Variants in KSR1 observed in about 807,000 individuals in gnomAD.
The protein encoded by KSR1 is kinase suppressor of ras.
A neutral mutation model predicts 92.9 loss-of-function variants in KSR1; 35 were observed. The observed-to-expected ratio is 0.38, with a 90% CI of 0.29 to 0.50. KSR1 has a LOEUF of 0.50. Among genes scored for constraint, KSR1 ranks in the 20% least tolerant of loss-of-function variants. KSR1 has a pLI of 0.94. For missense variants in KSR1, 972 were observed against 1,158.5 expected (o/e 0.84, Z 2.34); for synonymous variants, 467 against 472.6 (o/e 0.99, Z 0.15).
At chr17:27,529,268 A>C (rs1386771027) in intron 1 of KSR1, among the ~76,000 whole-genome samples, 1 of 152,082 alleles carries the variant, frequency 6.6e-6, no homozygotes, top group Admixed American at 6.5e-5. Context: ...GATTAAGTAC[A>C]CTGTTAAAAG....
intron 2 of KSR1, among the ~76,000 whole-genome samples, chr17:27,565,406 A>G (rs1256950736): frequency 1.3e-5 from 2 of 152,208 alleles, no homozygotes; most frequent in African/African-American, 2.4e-5. Context: ...TAAAATAGAG[A>G]TGGAAAAACT....
intron 2 of KSR1, among the ~76,000 whole-genome samples, chr17:27,568,782 C>T (rs2072187749): frequency 6.6e-6 from 1 of 152,338 alleles, no homozygotes; most frequent in South Asian, 2.1e-4. Context: ...CTCTGCCTTC[C>T]GTAGAGGAAT....
chr17:27,608,109 C>T, intron 15 of KSR1, 99 bp downstream of exon 15: 2 of 807,170 alleles, frequency 2.5e-6, no homozygotes, highest in Non-Finnish European at 4.1e-6. Flanking sequence ...GTGGTTTGGG[C>T]AGCTTTGCCT....
intron 1 of KSR1, among the ~76,000 whole-genome samples, chr17:27,515,902 CT>C (rs937805880): frequency 3.3e-5 from 5 of 151,086 alleles, no homozygotes; most frequent in Non-Finnish European, 7.4e-5. Flanking sequence ...AAGAATTTGC[CT>C]TTTTTTTTGT....
rs542462172 is a variant in KSR1 at position 27,584,111 on chromosome 17, G to A, written c.980+1006G>A. On this transcript the variant is annotated intron_variant, in intron 4 of 20. Transcript: ENST00000644974. The stretch of plus-strand genomic sequence containing the variant: ...ACCCTTGGCAGCACAGAAAGAAAGG[G>A]AGTGTTTTCCTTGGGTGCCTCTTAC... The A allele has an allele frequency of 2.2e-3, 975 of 444,926 alleles. 4 individuals carry two copies. The highest frequency in any genetic ancestry group is 2.6e-3 in the Non-Finnish European group (884 of 336,416). The allele number at this position is 444,926 out of a possible 1,614,324, so 27.6% of individuals were successfully genotyped here. A position where few individuals can be genotyped will look rare whatever the true frequency, so the allele number is the denominator to read the frequency against.
At chr17:27,596,497 C>T (rs1024737115) in intron 9 of KSR1, among the ~76,000 whole-genome samples, 16 of 152,218 alleles carry the variant, frequency 1.1e-4, no homozygotes, top group Non-Finnish European at 1.5e-5. Context: ...ATGACATTAA[C>T]ATTTAAGTTG....
At chr17:27,555,333 A>T (rs2071550529) in intron 2 of KSR1, among the ~76,000 whole-genome samples, 1 of 152,142 alleles carries the variant, frequency 6.6e-6, no homozygotes. Context: ...CCGTTTATTT[A>T]TTCATTCAGT....
intron 18 of KSR1, among the ~76,000 whole-genome samples, chr17:27,612,260 T>C (rs1470059806): frequency 6.6e-6 from 1 of 152,244 alleles, no homozygotes; most frequent in East Asian, 1.9e-4. Context: ...GTGAATGGCT[T>C]GCTTATTCAG....
chr17:27,515,610 AG>A (rs1361924397), intron 1 of KSR1, among the ~76,000 whole-genome samples: 57 of 123,510 alleles, frequency 4.6e-4, no homozygotes, highest in African/African-American at 1.7e-3. Flanking sequence ...TCTGCTTCGT[AG>A]TTTTTTTTTT....
At position 27,577,519 on chromosome 17, in the gene KSR1, G is replaced by T; in HGVS notation, c.400G>T (p.Ala134Ser). The T allele has an allele frequency of 6.3e-7, 1 of 1,597,410 alleles. No individual in the cohort carries two copies. The change falls in exon 3 of 21, where the codon GCC becomes TCC. Residue 134 changes from alanine to serine, a missense_variant. Transcript: ENST00000644974. This position sits in a 1 kb window ranked among gnomAD's most constrained non-coding sequence, Gnocchi z 4.5. ...QEIPRDLTLD[A>S]LLEMNEAKVK... ...GATCCCCCGAGACCTCACGCTGGAT[G>T]CCCTGCTGGAGATGAATGAGGCCAA... is the stretch of plus-strand genomic sequence containing the variant.
intron 1 of KSR1, among the ~76,000 whole-genome samples, chr17:27,522,535 G>A (rs1160593301): frequency 6.6e-6 from 1 of 152,206 alleles, no homozygotes; most frequent in Non-Finnish European, 1.5e-5. Flanking sequence ...TTTCTTTCCA[G>A]CAGAGATGAG....
chr17:27,548,280 G>A (rs540903126), intron 1 of KSR1, among the ~76,000 whole-genome samples: 14 of 151,576 alleles, frequency 9.2e-5, no homozygotes, highest in African/African-American at 3.4e-4. Flanking sequence ...TGAAAGTATT[G>A]TTCTTTGAAA....
chr17:27,605,170 C>T (rs1445027004), intron 13 of KSR1, among the ~76,000 whole-genome samples: 1 of 152,242 alleles, frequency 6.6e-6, no homozygotes, highest in Non-Finnish European at 1.5e-5. Flanking sequence ...TTAGATGTTG[C>T]TCACAGGTAG....
chr17:27,519,926 G>T (rs549276275), intron 1 of KSR1, among the ~76,000 whole-genome samples: 1 of 152,176 alleles, frequency 6.6e-6, no homozygotes, highest in South Asian at 2.1e-4. Flanking sequence ...CCCCAGCCGG[G>T]AGTGGGGATA....
chr17:27,570,666 G>A lies in KSR1; in HGVS notation c.373-6826G>A, dbSNP rs73983473. Among the ~76,000 whole-genome samples the A allele has an allele frequency of 1.6e-3, 244 of 152,310 alleles. 1 individual carries two copies. The highest frequency in any genetic ancestry group is 5.5e-3 in the African/African-American group (227 of 41,568). ...CAGGGACCTGGGCACAGGAGAGGAC[G>A]TCTCCTGGGACAGCTGTGAGTTTGG... is the stretch of plus-strand genomic sequence containing the variant. On this transcript the variant is annotated intron_variant, in intron 2 of 20. Transcript: ENST00000644974.
intron 1 of KSR1, among the ~76,000 whole-genome samples, chr17:27,477,402 G>A (rs148454331): frequency 1.1e-3 from 163 of 152,234 alleles, no homozygotes; most frequent in African/African-American, 2.6e-3. Context: ...CCAGAGTTTC[G>A]TTCTTACCTC....
In KSR1 at chr17:27,616,919, G is replaced by A. The variant is rs529661162; in HGVS notation, c.2494-376G>A. Among the ~76,000 whole-genome samples, 7 of 152,282 alleles carry A rather than the reference G, an allele frequency of 4.6e-5. No homozygotes were observed. The East Asian group carries it at 5.8e-4, about 13-fold the overall frequency. On this transcript the variant is annotated intron_variant, in intron 18 of 20. Transcript: ENST00000644974. ...CTCGTCCACTGCAGCCCCGCCTTGC[G>A]CATATTCCGAGCATCTTGCATTTCA...
At chr17:27,464,705 C>CA (rs35895195) in intron 1 of KSR1, among the ~76,000 whole-genome samples, 48,200 of 137,758 alleles carry the variant, frequency 0.35, 8,158 homozygotes, top group South Asian at 0.52. Context: ...GAACTTGACT[C>CA]AAAAAAAAAA....
intron 1 of KSR1, among the ~76,000 whole-genome samples, chr17:27,526,044 TTCTC>T (rs55737393): frequency 1.9e-4 from 23 of 122,878 alleles, no homozygotes; most frequent in Non-Finnish European, 2.4e-4. Context: ...TTTCTTTTCT[TTCTC>T]TCTCTCTCTC....
Sources: gnomAD v4.1 joint callset for allele counts (sites outside exome capture counted in the v4.1 genomes callset) on GRCh38, gnomAD v4.1.1 for gene constraint, Gnocchi (gnomAD v3.1) non-coding constraint, MANE v1.5 for transcripts, NCBI Gene and HGNC (gene_info 2026-07-23, HGNC 2026-07-21) for gene names.